CNNM2: variants seen among roughly 807,000 people sequenced by gnomAD.
The protein encoded by CNNM2 is metal transporter CNNM2.
A neutral mutation model predicts 66.9 loss-of-function variants in CNNM2; 12 were observed. That is an observed-to-expected ratio of 0.18 (90% CI 0.11 to 0.29). The LOEUF is 0.29. CNNM2 is among the 10% of genes least tolerant of loss of function. The probability of loss-of-function intolerance (pLI) is 1.00; values close to 1 mark genes in which losing one functional copy is unlikely to be tolerated. For synonymous variants in CNNM2, 557 were observed against 501.8 expected (o/e 1.11, Z -1.47); for missense variants, 705 against 1,167.7 (o/e 0.60, Z 5.77).
intron 1 of CNNM2, among the ~76,000 whole-genome samples, chr10:102,992,351 C>T (rs1012342414): frequency 3.5e-5 from 5 of 143,902 alleles, no homozygotes; most frequent in African/African-American, 1.3e-4. Context: ...TGGCTCACTG[C>T]AACCTCTGCC....
intron 1 of CNNM2, among the ~76,000 whole-genome samples, chr10:103,035,220 G>T (rs890453790): frequency 1.3e-5 from 2 of 152,098 alleles, no homozygotes; most frequent in South Asian, 2.1e-4. Flanking sequence ...TCTTATAAAC[G>T]CTGCAGGCCT....
chr10:103,032,579 A>G (rs1012857967), intron 1 of CNNM2, among the ~76,000 whole-genome samples: 1 of 152,014 alleles, frequency 6.6e-6, no homozygotes, highest in Admixed American at 6.6e-5. Context: ...GCAATTAATT[A>G]CAATGAATAC....
At chr10:102,935,048 A>G (rs770644031) in intron 1 of CNNM2, among the ~76,000 whole-genome samples, 6 of 151,034 alleles carry the variant, frequency 4.0e-5, no homozygotes, top group Non-Finnish European at 7.4e-5. Flanking sequence ...AATCCCAGCT[A>G]CTTGGGAGGC....
chr10:102,985,631 G>C (rs931706518), intron 1 of CNNM2, among the ~76,000 whole-genome samples: 1 of 152,146 alleles, frequency 6.6e-6, no homozygotes, highest in Non-Finnish European at 1.5e-5. Flanking sequence ...TGCGTGGCCA[G>C]ACAACTTGAG....
intron 1 of CNNM2, among the ~76,000 whole-genome samples, chr10:102,951,805 A>ATT: frequency 7.1e-6 from 1 of 140,412 alleles, no homozygotes. Flanking sequence ...TGCCTGGCTA[A>ATT]TTTTTTTTTT....
At chr10:102,927,661 A>C (rs772485248) in intron 1 of CNNM2, 1 of 397,874 alleles carries the variant, frequency 2.5e-6, no homozygotes, top group African/African-American at 2.0e-5. Context: ...GCTTCTTGGG[A>C]GGCTGAGACA....
intron 1 of CNNM2, among the ~76,000 whole-genome samples, chr10:103,048,694 G>A (rs536311368): frequency 1.3e-5 from 2 of 152,188 alleles, no homozygotes; most frequent in Admixed American, 1.3e-4. Flanking sequence ...AATGAAAGTG[G>A]CCAGTCCAAC....
At chr10:102,995,198 T>A (rs1564837030) in intron 1 of CNNM2, among the ~76,000 whole-genome samples, 6 of 70 alleles carry the variant, frequency 0.086, no homozygotes, top group Non-Finnish European at 0.11. Context: ...CCCCTCTTCC[T>A]CCTCCTTCCT....
chr10:103,030,494 C>T (rs1387903460), intron 1 of CNNM2, among the ~76,000 whole-genome samples: 1 of 152,160 alleles, frequency 6.6e-6, no homozygotes, highest in Non-Finnish European at 1.5e-5. Context: ...GCAGGTGGAT[C>T]ACTTGAGGTC....
At chr10:102,923,566 CTT>C (rs1432751406) in intron 1 of CNNM2, among the ~76,000 whole-genome samples, 1 of 152,106 alleles carries the variant, frequency 6.6e-6, no homozygotes, top group Admixed American at 6.6e-5. Context: ...GAGGTTTAGT[CTT>C]TTGTCTCAAC....
rs149100477 is a variant in CNNM2, at chr10:103,000,823, C to T, written c.1622-48884C>T. On this transcript the variant is annotated intron_variant, in intron 1 of 7. Transcript: ENST00000369878. The stretch of plus-strand genomic sequence containing the variant: ...TGAACTCCTGACCTCAAGTGATCTG[C>T]CCTCCTTGGCTTCCCAGAGTGCTGG... Among the ~76,000 whole-genome samples, 514 of 152,334 alleles carry T rather than the reference C, an allele frequency of 3.4e-3. No homozygotes were observed. The highest frequency in any genetic ancestry group is 6.3e-3 in the Non-Finnish European group (427 of 68,028).
At chr10:102,973,842 A>G (rs2063584907) in intron 1 of CNNM2, among the ~76,000 whole-genome samples, 1 of 127,304 alleles carries the variant, frequency 7.9e-6, no homozygotes, top group South Asian at 2.9e-4. Flanking sequence ...TTAAAACAAC[A>G]TCATCTTGTA....
intron 1 of CNNM2, among the ~76,000 whole-genome samples, chr10:103,038,507 G>A (rs2064982247): frequency 6.6e-6 from 1 of 152,186 alleles, no homozygotes; most frequent in African/African-American, 2.4e-5. Context: ...TGGCCAAAGA[G>A]CAGCAGCAAC....
chr10:102,977,133 C>T (rs2063647064), intron 1 of CNNM2, among the ~76,000 whole-genome samples: 1 of 152,182 alleles, frequency 6.6e-6, no homozygotes, highest in Non-Finnish European at 1.5e-5. Flanking sequence ...TCCCATCTGA[C>T]TGCAGAGTGG....
At chr10:103,063,856 A>T (rs2065431353) in intron 4 of CNNM2, among the ~76,000 whole-genome samples, 1 of 152,166 alleles carries the variant, frequency 6.6e-6, no homozygotes, top group Non-Finnish European at 1.5e-5. Context: ...TATATGGAAA[A>T]AGTTGTTATC....
chr10:102,949,635 A>C (rs1373571555), intron 1 of CNNM2, among the ~76,000 whole-genome samples: 1 of 152,008 alleles, frequency 6.6e-6, no homozygotes, highest in Non-Finnish European at 1.5e-5. Flanking sequence ...AAAATACTAA[A>C]AATACGCGCG....
intron 1 of CNNM2, among the ~76,000 whole-genome samples, chr10:102,971,262 G>GA (rs202223790): frequency 3.0e-4 from 35 of 117,386 alleles, no homozygotes; most frequent in East Asian, 5.2e-4. Flanking sequence ...AAAAAAAAAA[G>GA]AAAAAAAAAA....
chr10:103,043,312 C>T (rs564263212), intron 1 of CNNM2, among the ~76,000 whole-genome samples: 1 of 152,290 alleles, frequency 6.6e-6, no homozygotes, highest in African/African-American at 2.4e-5. Flanking sequence ...TCACGTTGTT[C>T]CTAATTCCCT....
chr10:103,026,455 G>C (rs1322412160), intron 1 of CNNM2, among the ~76,000 whole-genome samples: 1 of 151,934 alleles, frequency 6.6e-6, no homozygotes, highest in African/African-American at 2.4e-5. Flanking sequence ...CAAAAATTTA[G>C]CTGGGCATGG....
Sources: allele counts gnomAD v4.1 joint callset (sites outside exome capture counted in the v4.1 genomes callset), GRCh38; gene constraint gnomAD v4.1.1; transcripts MANE v1.5; gene names NCBI Gene and HGNC (gene_info 2026-07-23, HGNC 2026-07-21).